The following SSH2 variants were observed in gnomAD, a reference collection of about 807,000 sequenced individuals.
The protein encoded by SSH2 is protein phosphatase Slingshot homolog 2.
SSH2 carries 37 observed loss-of-function variants against 135.2 expected under a neutral mutation model. That is an observed-to-expected ratio of 0.27 (90% CI 0.21 to 0.36). The LOEUF (loss-of-function observed/expected upper bound fraction) is 0.36, where lower values mean the gene tolerates loss of function less well. Among genes scored for constraint, SSH2 ranks in the 10% least tolerant of loss-of-function variants. SSH2 has a pLI of 1.00. For synonymous variants in SSH2, 628 were observed against 646.2 expected (o/e 0.97, Z 0.43); for missense variants, 1,408 against 1,765.3 (o/e 0.80, Z 3.63).
chr17:29,709,052 A>AGAGAGAGAGAGAGAGAGAGAGAGCGC (rs1491229455), intron 3 of SSH2, among the ~76,000 whole-genome samples: 6 of 144,650 alleles, frequency 4.1e-5, no homozygotes, highest in African/African-American at 1.5e-4. Flanking sequence ...AGAGAGAGAG[A>AGAGAGAGAGAGAGAGAGAGAGAGCGC]GCTAATAATA....
At chr17:29,660,238 G>T (rs1201953386) in intron 11 of SSH2, among the ~76,000 whole-genome samples, 2 of 151,856 alleles carry the variant, frequency 1.3e-5, no homozygotes, top group African/African-American at 4.8e-5. Context: ...TACTGTGGGT[G>T]GGGACATTAG....
chr17:29,886,231 C>T (rs1399007278), intron 1 of SSH2, among the ~76,000 whole-genome samples: 2 of 151,990 alleles, frequency 1.3e-5, no homozygotes, highest in Non-Finnish European at 2.9e-5. Context: ...ATGCTCATAG[C>T]GATATGGACA....
intron 5 of SSH2, among the ~76,000 whole-genome samples, chr17:29,689,022 G>C (rs2038351260): frequency 6.6e-6 from 1 of 152,130 alleles, no homozygotes; most frequent in South Asian, 2.1e-4. Flanking sequence ...GCTGGGTGTG[G>C]TGGCATGTGT....
At chr17:29,815,984 G>A (rs2042552365) in intron 2 of SSH2, among the ~76,000 whole-genome samples, 1 of 152,052 alleles carries the variant, frequency 6.6e-6, no homozygotes, top group Non-Finnish European at 1.5e-5. Context: ...GAGTAGCTGG[G>A]ACTACAGGCG....
chr17:29,805,664 C>G, intron 2 of SSH2, among the ~76,000 whole-genome samples: 1 of 152,098 alleles, frequency 6.6e-6, no homozygotes, highest in East Asian at 1.9e-4. Flanking sequence ...TACTAGCATA[C>G]AACAAGTTGT....
At chr17:29,649,275 C>A (rs944195057) in intron 13 of SSH2, among the ~76,000 whole-genome samples, 2 of 152,144 alleles carry the variant, frequency 1.3e-5, no homozygotes, top group African/African-American at 4.8e-5. Flanking sequence ...GTGCCCCGTA[C>A]GTCTCTCCCT....
chr17:29,792,843 A>AT (rs2042094168), intron 3 of SSH2, among the ~76,000 whole-genome samples: 1 of 152,038 alleles, frequency 6.6e-6, no homozygotes, highest in Non-Finnish European at 1.5e-5. Flanking sequence ...TGCCCAGCTT[A>AT]TTTTTTGTAT....
At chr17:29,739,482 C>G (rs528677604) in intron 3 of SSH2, among the ~76,000 whole-genome samples, 1 of 152,268 alleles carries the variant, frequency 6.6e-6, no homozygotes, top group Admixed American at 6.5e-5. Flanking sequence ...CTCAATGATT[C>G]TATATATAAG....
intron 3 of SSH2, among the ~76,000 whole-genome samples, chr17:29,745,449 C>T (rs182025129): frequency 3.9e-5 from 6 of 152,146 alleles, no homozygotes; most frequent in Non-Finnish European, 5.9e-5. Flanking sequence ...CGTGAGCCAC[C>T]GCACCCAGCT....
At chr17:29,715,931 CCT>C (rs1052250360) in intron 3 of SSH2, among the ~76,000 whole-genome samples, 20 of 152,270 alleles carry the variant, frequency 1.3e-4, no homozygotes, top group African/African-American at 4.6e-4. Context: ...TATTCCAAAC[CCT>C]CTCTACTCTC....
chr17:29,921,779 C>T (rs1028309949), intron 1 of SSH2, among the ~76,000 whole-genome samples: 1 of 152,052 alleles, frequency 6.6e-6, no homozygotes, highest in African/African-American at 2.4e-5. Context: ...AACTCCCGAC[C>T]TCAGGTGATC....
At position 29,888,823 on chromosome 17, in the gene SSH2, C is replaced by T. The variant is rs1599146352; in HGVS notation, c.64-39894G>A. 2.1e-5 allele frequency among the ~76,000 whole-genome samples: 3 copies of T among 144,364 alleles called. No individual in the cohort carries two copies. The South Asian group carries it at 6.6e-4, about 32-fold the overall frequency. 94.7% of individuals were successfully genotyped at this position (144,364 alleles called of 152,430 possible). On this transcript the variant is annotated intron_variant, in intron 1 of 15. Transcript: ENST00000540801. ...AGGCGTGGTGGCACACTCCTGTAGACCAGCTACTCAGGAGGCTGAGGTGGG... is the reference window on the plus strand; with the variant it reads ...AGGCGTGGTGGCACACTCCTGTAGATCAGCTACTCAGGAGGCTGAGGTGGG...
intron 6 of SSH2, among the ~76,000 whole-genome samples, chr17:29,683,231 C>CAGCGTAA (rs2038057441): frequency 6.6e-6 from 1 of 152,128 alleles, no homozygotes; most frequent in Non-Finnish European, 1.5e-5. Flanking sequence ...TAATTATCCA[C>CAGCGTAA]AGCGTAAAGA....
intron 3 of SSH2, 187 bp downstream of exon 3, chr17:29,793,707 A>G: frequency 1.9e-6 from 1 of 517,064 alleles, no homozygotes. Context: ...AATCCCAAGT[A>G]GCTGGAATTA....
chr17:29,702,723 G>A (rs181844112), intron 4 of SSH2, among the ~76,000 whole-genome samples: 54 of 152,232 alleles, frequency 3.5e-4, no homozygotes, highest in Admixed American at 3.2e-3. Flanking sequence ...CATTATTTTG[G>A]TACCGTCTTA....
chr17:29,697,382 A>G (rs1293332126), intron 4 of SSH2, among the ~76,000 whole-genome samples: 1 of 152,174 alleles, frequency 6.6e-6, no homozygotes, highest in East Asian at 1.9e-4. Flanking sequence ...GTTAATTATG[A>G]GATGAAATAC....
At chr17:29,759,760 A>G (rs1196993362) in intron 3 of SSH2, among the ~76,000 whole-genome samples, 1 of 152,200 alleles carries the variant, frequency 6.6e-6, no homozygotes, top group Non-Finnish European at 1.5e-5. Context: ...CTCCTTCCTT[A>G]AGGCTAAATA....
chr17:29,695,664 ATTAAC>A, intron 4 of SSH2, 141 bp from the exon 5 acceptor site: 1 of 673,784 alleles, frequency 1.5e-6, no homozygotes, highest in Admixed American at 3.1e-5. Context: ...TTAAATGATT[ATTAAC>A]TTCTTTTAAA....
chr17:29,723,862 A>G (rs2039900769), intron 3 of SSH2, among the ~76,000 whole-genome samples: 1 of 152,078 alleles, frequency 6.6e-6, no homozygotes, highest in African/African-American at 2.4e-5. Flanking sequence ...TTTACTTGCA[A>G]AGTTCTATCT....
Sources: allele counts gnomAD v4.1 joint callset (sites outside exome capture counted in the v4.1 genomes callset), GRCh38; gene constraint gnomAD v4.1.1; transcripts MANE v1.5; gene names NCBI Gene and HGNC (gene_info 2026-07-23, HGNC 2026-07-21).